GREM2: variants seen among roughly 807,000 people sequenced by gnomAD.
GREM2 encodes gremlin 2, DAN family BMP antagonist, also known as gremlin-2.
Under a neutral mutation model 14.2 loss-of-function variants are expected in GREM2, and 11 were observed. The ratio of observed to expected loss-of-function variants is 0.78; its 90% CI spans 0.49 to 1.28. GREM2 has a LOEUF of 1.28. Ranked by LOEUF, GREM2 falls within the 50% of genes most tolerant of loss-of-function variation. GREM2 has a pLI of 0.00. For missense variants in GREM2, 210 were observed against 218.5 expected (o/e 0.96, Z 0.24); for synonymous variants, 98 against 97.6 (o/e 1.00, Z -0.02).
chr1:240,536,169 C>T (rs955951730), intron 1 of GREM2, among the ~76,000 whole-genome samples: 1 of 152,130 alleles, frequency 6.6e-6, no homozygotes, highest in African/African-American at 2.4e-5. Context: ...AGGAAGGCAG[C>T]TCCAATGGAG....
In GREM2 at chr1:240,540,257, TCTA is replaced by T. The variant is rs1285827328; in HGVS notation, c.-1-46784_-1-46782del. Among the ~76,000 whole-genome samples the T allele has an allele frequency of 1.3e-5, 2 of 152,190 alleles. No individual in the cohort carries two copies. Among genetic ancestry groups the T allele is most frequent in the African/African-American group, 2.4e-5 (1 of 41,450 alleles). On this transcript the variant is annotated intron_variant, in intron 1 of 1. Coordinates refer to ENST00000318160, the MANE Select transcript of GREM2 (RefSeq NM_022469.4). This position sits in a 1 kb window ranked among gnomAD's most constrained non-coding sequence, Gnocchi z 4.2. The stretch of plus-strand genomic sequence containing the variant: ...TCCTACACAGCACATTTGCTAGCTT[TCTA>T]CTAATTGCCCTAATTTTCTTTGTCT...
At chr1:240,596,525 C>T (rs1679821068) in intron 1 of GREM2, among the ~76,000 whole-genome samples, 1 of 152,034 alleles carries the variant, frequency 6.6e-6, no homozygotes, top group Non-Finnish European at 1.5e-5. Context: ...GGTGAAACCC[C>T]ATCTCTACTA....
intron 1 of GREM2, among the ~76,000 whole-genome samples, chr1:240,493,725 C>T (rs2103268612): frequency 6.6e-6 from 1 of 151,952 alleles, no homozygotes; most frequent in African/African-American, 2.4e-5. Context: ...GAGACGGGAT[C>T]TCACCATGTT....
At chr1:240,601,155 T>C (rs984876122) in intron 1 of GREM2, among the ~76,000 whole-genome samples, 3 of 152,188 alleles carry the variant, frequency 2.0e-5, no homozygotes, top group Non-Finnish European at 4.4e-5. Flanking sequence ...AAAATAATAA[T>C]AGTTACAGTA....
In GREM2 at chr1:240,490,773, G is replaced by C. The variant is rs1288637926; in HGVS notation, c.*2196C>G. ...TCTTAGCTTAATCCCTCCCCTATCT[G>C]TGTGGGTTCCATGTTAATAAAATGA... On this transcript the variant is annotated 3_prime_UTR_variant, in exon 2 of 2. Coordinates refer to ENST00000318160, the MANE Select transcript of GREM2 (RefSeq NM_022469.4). 6.6e-6 allele frequency: 1 copy of C among 152,124 alleles called. No individual in the cohort carries two copies. Among genetic ancestry groups the C allele is most frequent in the African/African-American group, 2.4e-5 (1 of 41,426 alleles). The allele number at this position is 152,124 out of a possible 1,614,324, so 9.4% of individuals were successfully genotyped here.
At chr1:240,593,672 G>A (rs1443348423) in intron 1 of GREM2, among the ~76,000 whole-genome samples, 1 of 152,138 alleles carries the variant, frequency 6.6e-6, no homozygotes, top group East Asian at 1.9e-4. Context: ...TGAGCTTCAT[G>A]GCGGAATCCT....
intron 1 of GREM2, among the ~76,000 whole-genome samples, chr1:240,495,583 T>C (rs553970619): frequency 6.6e-6 from 1 of 152,314 alleles, no homozygotes; most frequent in Non-Finnish European, 1.5e-5. Flanking sequence ...TTCTATGAAG[T>C]AGGTACTATT....
intron 1 of GREM2, among the ~76,000 whole-genome samples, chr1:240,496,593 C>G (rs146443255): frequency 6.6e-6 from 1 of 152,318 alleles, no homozygotes; most frequent in Non-Finnish European, 1.5e-5. Flanking sequence ...CATAATCACA[C>G]TTGTCTTTCT....
intron 1 of GREM2, among the ~76,000 whole-genome samples, chr1:240,537,703 T>G (rs1432849982): frequency 6.6e-6 from 1 of 152,102 alleles, no homozygotes; most frequent in Non-Finnish European, 1.5e-5. Flanking sequence ...GAGAATCACT[T>G]GAATCCAGGA....
chr1:240,547,511 AAAAAT>A (rs1194687826), intron 1 of GREM2, among the ~76,000 whole-genome samples: 29 of 101,282 alleles, frequency 2.9e-4, no homozygotes, highest in African/African-American at 8.6e-4. Context: ...AAAAAAAAAA[AAAAAT>A]ATATATATAT....
intron 1 of GREM2, among the ~76,000 whole-genome samples, chr1:240,510,178 G>C (rs1015038026): frequency 1.3e-5 from 2 of 151,868 alleles, no homozygotes; most frequent in Admixed American, 6.6e-5. Flanking sequence ...GACCATCCTG[G>C]CTAACACGGT....
rs544117047 is a variant in GREM2 at position 240,509,506 on chromosome 1, T to C, written c.-1-16030A>G. Among the ~76,000 whole-genome samples the C allele has an allele frequency of 2.4e-3, 363 of 152,060 alleles. 1 individual carries two copies. The highest frequency in any genetic ancestry group is 8.6e-3 in the African/African-American group (358 of 41,480). On this transcript the variant is annotated intron_variant, in intron 1 of 1. Transcript: ENST00000318160. ...GCCTCAGCCTCCCGAGTAGCTGTGA[T>C]TACAGGCATGCACCAACAAGCCCAG... is the stretch of plus-strand genomic sequence containing the variant.
At chr1:240,552,470 C>T (rs1204352866) in intron 1 of GREM2, among the ~76,000 whole-genome samples, 1 of 152,082 alleles carries the variant, frequency 6.6e-6, no homozygotes. Flanking sequence ...GTGGTATATG[C>T]TACAGTCCTA....
chr1:240,571,703 A>G (rs896555382), intron 1 of GREM2, among the ~76,000 whole-genome samples: 2 of 152,150 alleles, frequency 1.3e-5, no homozygotes, highest in African/African-American at 4.8e-5. Context: ...CATCGCAAAA[A>G]AAGAAAAAGA....
chr1:240,510,555 T>C (rs967273313), intron 1 of GREM2, among the ~76,000 whole-genome samples: 3 of 151,764 alleles, frequency 2.0e-5, no homozygotes, highest in African/African-American at 7.3e-5. Context: ...GAGCTGGTGG[T>C]TGCAAAACTT....
chr1:240,512,144 G>C (rs982645230), intron 1 of GREM2, among the ~76,000 whole-genome samples: 1 of 152,136 alleles, frequency 6.6e-6, no homozygotes, highest in Admixed American at 6.5e-5. Context: ...TTCAATGCAA[G>C]GGAATAGTGA....
intron 1 of GREM2, among the ~76,000 whole-genome samples, chr1:240,521,531 A>C (rs1018578369): frequency 4.6e-5 from 7 of 152,122 alleles, no homozygotes; most frequent in African/African-American, 7.2e-5. Context: ...AGATGGCACC[A>C]CTGCACTCCA....
chr1:240,498,050 G>A (rs1409307694), intron 1 of GREM2, among the ~76,000 whole-genome samples: 1 of 152,110 alleles, frequency 6.6e-6, no homozygotes, highest in Non-Finnish European at 1.5e-5. Context: ...AAAAATGCAC[G>A]CTTTCCTTCA....
chr1:240,573,607 C>T (rs1197638944), intron 1 of GREM2, among the ~76,000 whole-genome samples: 3 of 152,140 alleles, frequency 2.0e-5, no homozygotes, highest in African/African-American at 4.8e-5. Flanking sequence ...GATCTTGATG[C>T]CTAATTTGAG....
Sources: allele counts gnomAD v4.1 joint callset (sites outside exome capture counted in the v4.1 genomes callset), GRCh38; gene constraint gnomAD v4.1.1; non-coding constraint Gnocchi (gnomAD v3.1); transcripts MANE v1.5; gene names NCBI Gene and HGNC (gene_info 2026-07-23, HGNC 2026-07-21).